The following PPIP5K2 variants were observed in gnomAD, a reference collection of about 807,000 sequenced individuals.
PPIP5K2 encodes the protein diphosphoinositol pentakisphosphate kinase 2.
In PPIP5K2, 105 loss-of-function variants were observed where a neutral mutation model predicts 154.6. That is an observed-to-expected ratio of 0.68 (90% confidence interval 0.58 to 0.80). PPIP5K2 has a LOEUF of 0.80. PPIP5K2 is among the 30% of genes least tolerant of loss of function. The pLI is 0.00. For synonymous variants in PPIP5K2, 480 were observed against 490.3 expected (o/e 0.98, Z 0.28); for missense variants, 992 against 1,504.6 (o/e 0.66, Z 5.64).
chr5:103,174,131 A>AT (rs1798369053), intron 21 of PPIP5K2, 159 bp downstream of exon 21: 1 of 525,212 alleles, frequency 1.9e-6, no homozygotes, highest in Non-Finnish European at 3.3e-6. Flanking sequence ...ATTTTGCTAG[A>AT]TTTTAGGGAT....
intron 5 of PPIP5K2, among the ~76,000 whole-genome samples, chr5:103,140,764 A>G (rs1792451277): frequency 6.6e-6 from 1 of 150,490 alleles, no homozygotes; most frequent in African/African-American, 2.4e-5. Context: ...GTGAACCCGG[A>G]AGGCGGAGCT....
intron 1 of PPIP5K2, among the ~76,000 whole-genome samples, chr5:103,122,033 T>TA (rs1321083455): frequency 1.3e-5 from 2 of 152,194 alleles, no homozygotes; most frequent in African/African-American, 4.8e-5. Flanking sequence ...CTAACGTACT[T>TA]AGAGTTGAAG....
chr5:103,124,884 C>A (rs1215131687), intron 1 of PPIP5K2, among the ~76,000 whole-genome samples: 1 of 152,086 alleles, frequency 6.6e-6, no homozygotes, highest in Non-Finnish European at 1.5e-5. Context: ...GGTAACAGTG[C>A]CTAATAAATG....
chr5:103,151,027 A>G (rs1376235452), intron 8 of PPIP5K2, among the ~76,000 whole-genome samples: 2 of 151,608 alleles, frequency 1.3e-5, no homozygotes, highest in African/African-American at 2.4e-5. Flanking sequence ...TTGTACATCT[A>G]CTTTATGATG....
Position 103,154,830 on chromosome 5 carries a change from A to T in PPIP5K2, c.1294-4A>T. 8 of 1,565,302 alleles carry T rather than the reference A, an allele frequency of 5.1e-6. No homozygotes were observed. Among genetic ancestry groups the T allele is most frequent in the Non-Finnish European group, 6.9e-6 (8 of 1,160,744 alleles). On this transcript the variant is annotated splice_region_variant and splice_polypyrimidine_tract_variant and intron_variant, in intron 12 of 30. Coordinates refer to ENST00000358359, the MANE Select transcript of PPIP5K2 (RefSeq NM_001276277.3). ...ATTCAATTTTTTATTAATTTATTTT[A>T]TAGGAAGTGCTAGATATTGCACGAC...
At chr5:103,125,239 A>T (rs960275008) in intron 1 of PPIP5K2, among the ~76,000 whole-genome samples, 1 of 152,208 alleles carries the variant, frequency 6.6e-6, no homozygotes, top group Non-Finnish European at 1.5e-5. Flanking sequence ...AGTGATGTGG[A>T]GTATAGCCTA....
Position 103,157,711 on chromosome 5 carries a change from A to C in PPIP5K2, c.1490-477A>C, listed in dbSNP as rs552452961. 2.6e-5 allele frequency among the ~76,000 whole-genome samples: 4 copies of C among 151,912 alleles called. No homozygotes were observed. The South Asian group carries it at 8.3e-4, about 31-fold the overall frequency. The stretch of plus-strand genomic sequence containing the variant: ...AGCGAGACTCTGTCTCAAAAAAAAA[A>C]AACAAAAAAATATATATATCTTCTT... On this transcript the variant is annotated intron_variant, in intron 14 of 30. Coordinates refer to ENST00000358359, the MANE Select transcript of PPIP5K2 (RefSeq NM_001276277.3).
At chr5:103,122,602 T>C (rs1413957104) in intron 1 of PPIP5K2, among the ~76,000 whole-genome samples, 2 of 152,234 alleles carry the variant, frequency 1.3e-5, no homozygotes, top group Non-Finnish European at 2.9e-5. Context: ...TATTCCCTAT[T>C]ACCTGGATGT....
Position 103,154,759 on chromosome 5 carries a change from C to A in PPIP5K2, c.1293+14C>A. 1 of 1,562,674 alleles carries A rather than the reference C, an allele frequency of 6.4e-7. No homozygotes were observed. The highest frequency in any genetic ancestry group is 1.2e-5 in the South Asian group (1 of 81,164). On this transcript the variant is annotated intron_variant, in intron 12 of 30. Coordinates refer to ENST00000358359, the MANE Select transcript of PPIP5K2 (RefSeq NM_001276277.3). ...AAACAGTTACAGGCAAGTGTATTTG[C>A]TTTCTTGTTTAATTTTAAATTTTTT...
At chr5:103,140,304 A>C (rs770239643) in intron 5 of PPIP5K2, among the ~76,000 whole-genome samples, 1 of 152,232 alleles carries the variant, frequency 6.6e-6, no homozygotes, top group Non-Finnish European at 1.5e-5. Flanking sequence ...TGCATAGGTC[A>C]TAGAAGAATA....
chr5:103,151,228 A>G (rs781873509), intron 8 of PPIP5K2, 25 bp from the exon 9 acceptor site: 3 of 1,559,520 alleles, frequency 1.9e-6, no homozygotes, highest in Non-Finnish European at 2.6e-6. Context: ...ATAAAACCTT[A>G]AAGTTTATAA....
At position 103,153,876 on chromosome 5, in the gene PPIP5K2, A is replaced by G; in HGVS notation, c.1159A>G (p.Ile387Val). 6 of 1,607,782 alleles carry G rather than the reference A, an allele frequency of 3.7e-6. No individual in the cohort carries two copies. Among genetic ancestry groups the G allele is most frequent in the Non-Finnish European group, 5.1e-6 (6 of 1,176,814 alleles). ...MMELRCVIAV[I>V]RHGDRTPKQK... ...GGAACTTAGATGTGTCATAGCTGTT[A>G]TACGTCATGGGGATCGAACACCAAA... Residue 387 changes from isoleucine to valine, a missense_variant, in exon 11 of 31, where the codon ATA becomes GTA. Physicochemically the swap from Ile to Val is conservative, Grantham distance 29. Coordinates refer to ENST00000358359, the MANE Select transcript of PPIP5K2 (RefSeq NM_001276277.3).
intron 8 of PPIP5K2, among the ~76,000 whole-genome samples, chr5:103,149,984 T>G (rs1335544036): frequency 6.6e-6 from 1 of 152,100 alleles, no homozygotes; most frequent in East Asian, 1.9e-4. Flanking sequence ...TGTGAGCCAC[T>G]GCACCCGGCC....
At position 103,183,315 on chromosome 5, in the gene PPIP5K2, C is replaced by G; in HGVS notation, c.3004C>G (p.Arg1002Gly). Reference protein sequence around the residue: ...HYTSGVGTGRRRRRSGEQITS... With the variant: ...HYTSGVGTGRGRRRSGEQITS... Reference sequence around the variant, plus strand: ...TACCAGTGGTGTGGGTACTGGGCGTCGAAGACGCAGATCAGGGGAACAAAT... The same window carrying G: ...TACCAGTGGTGTGGGTACTGGGCGTGGAAGACGCAGATCAGGGGAACAAAT... The change falls in exon 25 of 31, where the codon CGA becomes GGA. Residue 1002 changes from arginine to glycine, a missense_variant. By Grantham distance (125) the Arg-to-Gly change is moderately radical. This residue lies in a region of PPIP5K2 where 204 missense variants were observed against 224.0 expected (regional missense o/e 0.91). Coordinates refer to ENST00000358359, the MANE Select transcript of PPIP5K2 (RefSeq NM_001276277.3). The G allele has an allele frequency of 1.2e-6, 2 of 1,602,332 alleles. No individual in the cohort carries two copies. The highest frequency in any genetic ancestry group is 1.7e-6 in the Non-Finnish European group (2 of 1,176,180).
chr5:103,130,683 A>C (rs782798060), intron 2 of PPIP5K2, among the ~76,000 whole-genome samples: 4 of 152,174 alleles, frequency 2.6e-5, no homozygotes, highest in Non-Finnish European at 5.9e-5. Flanking sequence ...TTACCAGCTC[A>C]AACTTTTCTT....
chr5:103,148,154 A>G, intron 7 of PPIP5K2, 122 bp downstream of exon 7: 2 of 752,194 alleles, frequency 2.7e-6, no homozygotes, highest in African/African-American at 3.5e-5. Context: ...TTGATTAGGG[A>G]TTCCTCATGT....
intron 17 of PPIP5K2, 26 bp from the exon 18 acceptor site, chr5:103,167,153 A>G: frequency 6.8e-7 from 1 of 1,465,002 alleles, no homozygotes; most frequent in Non-Finnish European, 9.1e-7. Flanking sequence ...AACCAGATAT[A>G]AAATATATAC....
intron 24 of PPIP5K2, among the ~76,000 whole-genome samples, chr5:103,182,764 T>C (rs1799744401): frequency 6.6e-6 from 1 of 152,218 alleles, no homozygotes; most frequent in South Asian, 2.1e-4. Context: ...GTTATGTATA[T>C]TGAAATCCCT....
chr5:103,153,148 G>C (rs1479161162), intron 10 of PPIP5K2, among the ~76,000 whole-genome samples: 1 of 151,622 alleles, frequency 6.6e-6, no homozygotes, highest in Non-Finnish European at 1.5e-5. Flanking sequence ...TTGACTGAAT[G>C]CTTTTTTTTC....
Sources: gnomAD v4.1 joint callset for allele counts (sites outside exome capture counted in the v4.1 genomes callset) on GRCh38, gnomAD v4.1.1 for gene constraint, gnomAD v4.1.1 regional missense constraint, MANE v1.5 for transcripts, NCBI Gene and HGNC (gene_info 2026-07-23, HGNC 2026-07-21) for gene names.